The following CAMTA1 variants were observed in gnomAD, a reference collection of about 807,000 sequenced individuals.
The protein encoded by CAMTA1 is calmodulin-binding transcription activator 1.
In CAMTA1, 27 loss-of-function variants were observed where a neutral mutation model predicts 170.9. The ratio of observed to expected loss-of-function variants is 0.16; its 90% CI spans 0.12 to 0.22. The LOEUF (loss-of-function observed/expected upper bound fraction) is 0.22. CAMTA1 is among the 10% of genes least tolerant of loss of function. The pLI is 1.00. For synonymous variants in CAMTA1, 833 were observed against 891.5 expected, an observed-to-expected ratio of 0.93 and a Z score of 1.17; for missense variants, 1,619 against 2,217.2, an observed-to-expected ratio of 0.73 and a Z score of 5.42.
At chr1:7,334,670 G>A (rs1377449080) in intron 5 of CAMTA1, among the ~76,000 whole-genome samples, 1 of 152,126 alleles carries the variant, frequency 6.6e-6, no homozygotes, top group Non-Finnish European at 1.5e-5. Flanking sequence ...TACAGATACG[G>A]TTTAAAAATA....
intron 3 of CAMTA1, among the ~76,000 whole-genome samples, chr1:6,983,940 G>GT (rs1694868155): frequency 6.7e-6 from 1 of 149,242 alleles, no homozygotes; most frequent in African/African-American, 2.5e-5. Context: ...GGATGGGTGG[G>GT]TGGATCGAGG....
At chr1:6,857,001 T>G (rs1294018402) in intron 3 of CAMTA1, among the ~76,000 whole-genome samples, 1 of 152,072 alleles carries the variant, frequency 6.6e-6, no homozygotes, top group Non-Finnish European at 1.5e-5. Flanking sequence ...TAGGCCACCT[T>G]GGAAACTAGG....
chr1:6,977,773 G>A (rs149957487), intron 3 of CAMTA1, among the ~76,000 whole-genome samples: 5 of 152,300 alleles, frequency 3.3e-5, no homozygotes, highest in East Asian at 3.9e-4. Flanking sequence ...CCTAAGTCAC[G>A]TATCTAAAAA....
At chr1:7,659,545 G>A (rs77783091) in intron 7 of CAMTA1, among the ~76,000 whole-genome samples, 10 of 151,952 alleles carry the variant, frequency 6.6e-5, no homozygotes, top group Admixed American at 3.3e-4. Flanking sequence ...AAAAAAAGAA[G>A]AAGAAAAGAA....
At chr1:6,915,535 C>CT (rs1399136395) in intron 3 of CAMTA1, among the ~76,000 whole-genome samples, 3 of 152,118 alleles carry the variant, frequency 2.0e-5, no homozygotes, top group African/African-American at 7.2e-5. Context: ...TTAGTGGAGC[C>CT]AAGGTGTTCA....
chr1:7,374,940 A>G (rs1249986354), intron 5 of CAMTA1, among the ~76,000 whole-genome samples: 3 of 152,118 alleles, frequency 2.0e-5, no homozygotes, highest in Non-Finnish European at 4.4e-5. Context: ...TCACCCTACA[A>G]TGCTTCTCGC....
At chr1:7,339,586 T>G (rs12728576) in intron 5 of CAMTA1, among the ~76,000 whole-genome samples, 101,905 of 151,520 alleles carry the variant, frequency 0.67, 35,963 homozygotes, top group African/African-American at 0.89. Context: ...TTTGTTTGTT[T>G]GTTGGTTGTT....
chr1:7,729,109 G>A (rs973185888), intron 11 of CAMTA1, among the ~76,000 whole-genome samples: 4 of 150,670 alleles, frequency 2.7e-5, no homozygotes, highest in East Asian at 2.0e-4. Context: ...ATTAATATGA[G>A]GAATCTTTTT....
At chr1:6,933,927 A>G (rs558653350) in intron 3 of CAMTA1, among the ~76,000 whole-genome samples, 1 of 152,244 alleles carries the variant, frequency 6.6e-6, no homozygotes, top group African/African-American at 2.4e-5. Flanking sequence ...CTGCAACTTT[A>G]TTCTTGTTCA....
chr1:6,891,172 C>T (rs912176314), intron 3 of CAMTA1, among the ~76,000 whole-genome samples: 9 of 152,184 alleles, frequency 5.9e-5, no homozygotes, highest in Non-Finnish European at 8.8e-5. Flanking sequence ...AAAGGAACTT[C>T]ATTTGACAAT....
chr1:7,444,664 C>T (rs1351823425), intron 5 of CAMTA1, among the ~76,000 whole-genome samples: 1 of 152,236 alleles, frequency 6.6e-6, no homozygotes, highest in Non-Finnish European at 1.5e-5. Flanking sequence ...GAAGCATCCA[C>T]TTCTGCCTGG....
At chr1:7,683,499 GCAC>G (rs1263283625) in intron 11 of CAMTA1, among the ~76,000 whole-genome samples, 3 of 152,086 alleles carry the variant, frequency 2.0e-5, no homozygotes, top group African/African-American at 7.2e-5. Flanking sequence ...AGCTGGAGAA[GCAC>G]TGACCCAGGG....
In CAMTA1 at chr1:7,767,999, A is replaced by G. The variant is rs961179925; in HGVS notation, c.*1508A>G. 1 of 152,548 alleles carries G rather than the reference A, an allele frequency of 6.6e-6. No homozygotes were observed. Among genetic ancestry groups the G allele is most frequent in the African/African-American group, 2.4e-5 (1 of 41,422 alleles). The allele number at this position is 152,548 out of a possible 1,614,324, so 9.4% of individuals were successfully genotyped here. A position where few individuals can be genotyped will look rare whatever the true frequency, so the allele number is the denominator to read the frequency against. On this transcript the variant is annotated 3_prime_UTR_variant, in exon 23 of 23. Transcript: ENST00000303635. ...TTGCCAATGGTGCCAAGTAATGTGA[A>G]TGCTAATACTGCTTAAGAAAATTAA...
chr1:7,067,982 G>A lies in CAMTA1; in HGVS notation c.235-23322G>A, dbSNP rs377645656. 7.2e-5 allele frequency among the ~76,000 whole-genome samples: 11 copies of A among 152,288 alleles called. No individual in the cohort carries two copies. The East Asian group carries it at 1.2e-3, about 16-fold the overall frequency. On this transcript the variant is annotated intron_variant, in intron 3 of 22. Transcript: ENST00000303635. The surrounding 1 kb of genome is among the most constrained non-coding windows in gnomAD (Gnocchi z 4.3). Reference sequence around the variant, plus strand: ...GAAAATGTGATGGTTATGGGAGGCCGCTATGGTCACCTTGCAGCCATGTGG... The same window carrying A: ...GAAAATGTGATGGTTATGGGAGGCCACTATGGTCACCTTGCAGCCATGTGG...
rs541232863 is a variant in CAMTA1, at chr1:7,552,598, G to A, written c.510+84697G>A. Among the ~76,000 whole-genome samples, 62 of 152,356 alleles carry A rather than the reference G, an allele frequency of 4.1e-4. 2 individuals carry two copies. The South Asian group carries it at 0.012, about 30-fold the overall frequency. On this transcript the variant is annotated intron_variant, in intron 6 of 22. Transcript: ENST00000303635. Reference sequence around the variant, plus strand: ...GCCTGGGCTTCAGGCCGCAGCCACTGTGAGCCCTGTCCATCCCGGGTCACT... The same window carrying A: ...GCCTGGGCTTCAGGCCGCAGCCACTATGAGCCCTGTCCATCCCGGGTCACT...
intron 3 of CAMTA1, among the ~76,000 whole-genome samples, chr1:6,902,355 C>T (rs1300456450): frequency 1.3e-5 from 2 of 152,166 alleles, no homozygotes; most frequent in African/African-American, 4.8e-5. Context: ...AATGAATAAG[C>T]AACTTCATTG....
chr1:7,556,095 G>T (rs549534782), intron 6 of CAMTA1, among the ~76,000 whole-genome samples: 4 of 152,320 alleles, frequency 2.6e-5, no homozygotes, highest in Non-Finnish European at 5.9e-5. Flanking sequence ...CTCTATTGTG[G>T]TTTTTGCAGG....
intron 3 of CAMTA1, among the ~76,000 whole-genome samples, chr1:6,944,388 C>T (rs1478578801): frequency 1.3e-5 from 2 of 152,178 alleles, no homozygotes; most frequent in African/African-American, 2.4e-5. Context: ...CCCGGGCCTT[C>T]CTGTTCTCTC....
At chr1:7,031,839 C>T (rs1018200691) in intron 3 of CAMTA1, among the ~76,000 whole-genome samples, 1 of 152,116 alleles carries the variant, frequency 6.6e-6, no homozygotes. Context: ...CCACGCCCAG[C>T]CAATCTCTGT....
Sources: gnomAD v4.1 joint callset for allele counts (sites outside exome capture counted in the v4.1 genomes callset) on GRCh38, gnomAD v4.1.1 for gene constraint, Gnocchi (gnomAD v3.1) non-coding constraint, MANE v1.5 for transcripts, NCBI Gene and HGNC (gene_info 2026-07-23, HGNC 2026-07-21) for gene names.